The following AKAP13 variants were observed in gnomAD, a reference collection of about 807,000 sequenced individuals.
AKAP13 encodes A-kinase anchor protein 13.
A neutral mutation model predicts 264.5 loss-of-function variants in AKAP13; 80 were observed. The observed-to-expected ratio is 0.30, with a 90% CI of 0.25 to 0.36. The LOEUF is 0.36. Ranked by LOEUF, AKAP13 falls within the 10% of genes least tolerant of loss-of-function variation. AKAP13 has a pLI of 1.00. For synonymous variants in AKAP13, 1,380 were observed against 1,250.2 expected (o/e 1.10, Z -2.19); for missense variants, 3,712 against 3,435.2 (o/e 1.08, Z -2.01).
intron 1 of AKAP13, among the ~76,000 whole-genome samples, chr15:85,408,341 C>T (rs1033999303): frequency 2.6e-5 from 4 of 151,644 alleles, no homozygotes; most frequent in African/African-American, 7.3e-5. Context: ...AACCATTTAC[C>T]GTCTTAATCA....
At chr15:85,626,444 A>C (rs1296423166) in intron 8 of AKAP13, among the ~76,000 whole-genome samples, 1 of 131,814 alleles carries the variant, frequency 7.6e-6, no homozygotes, top group African/African-American at 2.9e-5. Flanking sequence ...CTACCGTTCT[A>C]TTTTCTGTCT....
chr15:85,513,013 T>G (rs1367179654), intron 2 of AKAP13, among the ~76,000 whole-genome samples: 1 of 152,030 alleles, frequency 6.6e-6, no homozygotes, highest in Non-Finnish European at 1.5e-5. Flanking sequence ...CCCACCACCA[T>G]GCCCGGCTAA....
chr15:85,657,773 C>A (rs1480418998), intron 11 of AKAP13, among the ~76,000 whole-genome samples: 1 of 149,076 alleles, frequency 6.7e-6, no homozygotes, highest in Non-Finnish European at 1.5e-5. Context: ...GGTGAATGAT[C>A]CCTACAGCCA....
At chr15:85,483,378 G>A (rs1395782697) in intron 1 of AKAP13, among the ~76,000 whole-genome samples, 3 of 152,166 alleles carry the variant, frequency 2.0e-5, no homozygotes, top group Non-Finnish European at 4.4e-5. Flanking sequence ...TGTAATCCCA[G>A]CACTTTGGGA....
chr15:85,560,313 AT>A (rs931690461), intron 5 of AKAP13, among the ~76,000 whole-genome samples: 3 of 150,590 alleles, frequency 2.0e-5, no homozygotes, highest in Admixed American at 6.6e-5. Context: ...GGCCGGGCTA[AT>A]TTTTTTTTGC....
intron 17 of AKAP13, among the ~76,000 whole-genome samples, chr15:85,706,605 G>A (rs146762272): frequency 3.2e-4 from 49 of 152,318 alleles, no homozygotes; most frequent in Admixed American, 5.2e-4. Context: ...CTAAATTGAT[G>A]TTTGACATAC....
intron 1 of AKAP13, among the ~76,000 whole-genome samples, chr15:85,407,151 G>A (rs1178217292): frequency 6.6e-6 from 1 of 151,692 alleles, no homozygotes; most frequent in Non-Finnish European, 1.5e-5. Flanking sequence ...GTGTAACAAT[G>A]TTAGAGTACC....
intron 10 of AKAP13, among the ~76,000 whole-genome samples, chr15:85,652,350 A>C (rs892150106): frequency 2.3e-4 from 35 of 152,186 alleles, no homozygotes; most frequent in African/African-American, 8.4e-4. Flanking sequence ...CAGAGTGAAG[A>C]AGCACCTATA....
rs1471277639 is a variant in AKAP13 at position 85,708,658 on chromosome 15, T to TA, written c.5532+580dup. Among the ~76,000 whole-genome samples, 3 of 151,988 alleles carry TA rather than the reference T, an allele frequency of 2.0e-5. No homozygotes were observed. Among genetic ancestry groups the TA allele is most frequent in the South Asian group, 2.1e-4 (1 of 4,818 alleles). On this transcript the variant is annotated intron_variant, in intron 18 of 36. Coordinates refer to ENST00000394518, the MANE Select transcript of AKAP13 (RefSeq NM_007200.5). This position sits in a 1 kb window ranked among gnomAD's most constrained non-coding sequence, Gnocchi z 4.3. ...GTAATCATGCTTTCCCAGTGGCCCT[T>TA]AAAAAAAAGTGTGGGTTAAGGGCCA...
intron 17 of AKAP13, among the ~76,000 whole-genome samples, chr15:85,700,420 A>C (rs1597106118): frequency 6.6e-6 from 1 of 152,162 alleles, no homozygotes; most frequent in Non-Finnish European, 1.5e-5. Flanking sequence ...ATGTGCTAGA[A>C]CCGCCTCTGG....
At chr15:85,520,851 A>G (rs2076797269) in intron 2 of AKAP13, among the ~76,000 whole-genome samples, 1 of 152,364 alleles carries the variant, frequency 6.6e-6, no homozygotes, top group East Asian at 1.9e-4. Flanking sequence ...ACTTAACACA[A>G]ACTTGGATGT....
intron 1 of AKAP13, among the ~76,000 whole-genome samples, chr15:85,411,057 C>G (rs569062736): frequency 2.0e-5 from 3 of 152,302 alleles, no homozygotes; most frequent in Non-Finnish European, 2.9e-5. Flanking sequence ...GAGACTCTTT[C>G]AGTGAGTCTG....
intron 1 of AKAP13, among the ~76,000 whole-genome samples, chr15:85,466,480 G>A (rs2074745769): frequency 6.6e-6 from 1 of 152,126 alleles, no homozygotes; most frequent in African/African-American, 2.4e-5. Flanking sequence ...GGTTTTTATG[G>A]TTTTAGGTCT....
intron 1 of AKAP13, among the ~76,000 whole-genome samples, chr15:85,469,551 C>G (rs1192469938): frequency 6.6e-6 from 1 of 152,202 alleles, no homozygotes; most frequent in African/African-American, 2.4e-5. Context: ...CAGGCCATTT[C>G]TGGTGGACCC....
intron 1 of AKAP13, among the ~76,000 whole-genome samples, chr15:85,384,279 A>T (rs769468570): frequency 5.9e-5 from 9 of 152,226 alleles, no homozygotes; most frequent in African/African-American, 2.2e-4. Flanking sequence ...CTTCTTTTAA[A>T]GTTAACATCT....
intron 1 of AKAP13, among the ~76,000 whole-genome samples, chr15:85,429,542 C>A (rs1020990133): frequency 6.6e-6 from 1 of 152,190 alleles, no homozygotes; most frequent in Non-Finnish European, 1.5e-5. Flanking sequence ...CTCTGGCCTT[C>A]AGGAAATTTA....
Position 85,746,538 on chromosome 15 carries a change from C to A in AKAP13, c.*1861C>A, listed in dbSNP as rs1018335309. The A allele has an allele frequency of 6.6e-6, 1 of 152,052 alleles. No individual in the cohort carries two copies. Among genetic ancestry groups the A allele is most frequent in the Non-Finnish European group, 1.5e-5 (1 of 68,026 alleles). 9.4% of individuals were successfully genotyped at this position (152,052 alleles called of 1,614,324 possible). On this transcript the variant is annotated 3_prime_UTR_variant, in exon 37 of 37. Transcript: ENST00000394518. ...TGTTTGAGAATGAAGAAACTCGCCA[C>A]CTCTGACCTACCTTTGCCTTTTTCT...
rs1017614367 is a variant in AKAP13 at position 85,736,367 on chromosome 15, G to A, written c.7557+233G>A. On this transcript the variant is annotated intron_variant, in intron 33 of 36. Transcript: ENST00000394518. ...CAGTTAGAGAATTGCCTGCTAAGAT[G>A]GCCTTTGATTCGTTTCTTTGATTCT... Among the ~76,000 whole-genome samples the A allele has an allele frequency of 1.1e-4, 17 of 152,062 alleles. 1 individual carries two copies. Among genetic ancestry groups the A allele is most frequent in the Non-Finnish European group, 2.9e-5 (2 of 68,012 alleles).
intron 8 of AKAP13, among the ~76,000 whole-genome samples, chr15:85,628,340 C>G (rs768329804): frequency 6.6e-6 from 1 of 152,116 alleles, no homozygotes; most frequent in African/African-American, 2.4e-5. Context: ...GTGCTGCTGG[C>G]TAGTTGTGTG....
Sources: gnomAD v4.1 joint callset for allele counts (sites outside exome capture counted in the v4.1 genomes callset) on GRCh38, gnomAD v4.1.1 for gene constraint, Gnocchi (gnomAD v3.1) non-coding constraint, MANE v1.5 for transcripts, NCBI Gene and HGNC (gene_info 2026-07-23, HGNC 2026-07-21) for gene names.